Variants in TRAPPC9 observed in about 807,000 individuals in gnomAD.
The protein encoded by TRAPPC9 is IKK2 binding protein.
A neutral mutation model predicts 124.0 loss-of-function variants in TRAPPC9; 83 were observed. The ratio of observed to expected loss-of-function variants is 0.67; its 90% CI spans 0.56 to 0.80. TRAPPC9 has a LOEUF of 0.80. Ranked by LOEUF, TRAPPC9 falls within the 30% of genes least tolerant of loss-of-function variation. The pLI is 0.00. For missense variants in TRAPPC9, 1,302 were observed against 1,508.3 expected, an observed-to-expected ratio of 0.86 and a Z score of 2.27; for synonymous variants, 638 against 617.5, an observed-to-expected ratio of 1.03 and a Z score of -0.49.
chr8:139,840,826 G>C (rs1826678963), intron 21 of TRAPPC9, among the ~76,000 whole-genome samples: 1 of 152,206 alleles, frequency 6.6e-6, no homozygotes, highest in Non-Finnish European at 1.5e-5. Flanking sequence ...TGGTAGGCTT[G>C]TCCTTCCCTT....
intron 21 of TRAPPC9, among the ~76,000 whole-genome samples, chr8:139,815,795 G>C (rs1397236151): frequency 6.6e-6 from 1 of 152,226 alleles, no homozygotes; most frequent in African/African-American, 2.4e-5. Flanking sequence ...GTGGCTCCGG[G>C]GATCACCAGC....
chr8:139,811,852 T>C (rs1824465596), intron 21 of TRAPPC9, among the ~76,000 whole-genome samples: 2 of 152,182 alleles, frequency 1.3e-5, no homozygotes, highest in South Asian at 4.1e-4. Context: ...ATTTTTTTCC[T>C]ATGCACTCTT....
At position 140,353,542 on chromosome 8, in the gene TRAPPC9, C is replaced by T. The variant is rs918075642; in HGVS notation, c.1495+6508G>A. Among the ~76,000 whole-genome samples the T allele has an allele frequency of 2.0e-5, 3 of 152,154 alleles. No homozygotes were observed. The highest frequency in any genetic ancestry group is 1.9e-4 in the East Asian group (1 of 5,198). On this transcript the variant is annotated intron_variant, in intron 9 of 22. Transcript: ENST00000438773. This position sits in a 1 kb window ranked among gnomAD's most constrained non-coding sequence, Gnocchi z 4.2. ...TTCCCCGTGTTCCCTTTTTAAGCTA[C>T]GTGATGTGAAAGCCGCGAGTCTTTT... is the stretch of plus-strand genomic sequence containing the variant.
intron 21 of TRAPPC9, among the ~76,000 whole-genome samples, chr8:139,767,445 G>A (rs889261194): frequency 2.6e-5 from 4 of 152,268 alleles, no homozygotes; most frequent in African/African-American, 7.2e-5. Flanking sequence ...GCAGCATCCC[G>A]TCCTCACGAG....
At chr8:140,141,356 C>T (rs1016980147) in intron 17 of TRAPPC9, among the ~76,000 whole-genome samples, 5 of 152,220 alleles carry the variant, frequency 3.3e-5, no homozygotes, top group Non-Finnish European at 5.9e-5. Context: ...CTGGCGCATC[C>T]ACACTGTAGA....
intron 17 of TRAPPC9, among the ~76,000 whole-genome samples, chr8:140,193,596 G>C (rs1204648414): frequency 7.4e-6 from 1 of 135,652 alleles, no homozygotes; most frequent in Non-Finnish European, 1.5e-5. Flanking sequence ...AGTTCCATAA[G>C]GGCAGAAGGG....
intron 21 of TRAPPC9, among the ~76,000 whole-genome samples, chr8:139,735,128 G>C (rs1025915568): frequency 5.3e-5 from 8 of 152,200 alleles, no homozygotes; most frequent in Non-Finnish European, 1.2e-4. Flanking sequence ...GGTCTGTCCT[G>C]CTGAGTCCAG....
intron 11 of TRAPPC9, among the ~76,000 whole-genome samples, chr8:140,297,747 A>G (rs2065851884): frequency 6.6e-6 from 1 of 152,242 alleles, no homozygotes; most frequent in African/African-American, 2.4e-5. Context: ...TCAACGTGTA[A>G]GTAACCAGGT....
chr8:140,023,430 G>C (rs1414053046), intron 18 of TRAPPC9, among the ~76,000 whole-genome samples: 1 of 152,238 alleles, frequency 6.6e-6, no homozygotes, highest in African/African-American at 2.4e-5. Context: ...AAGTAGGCAG[G>C]AGAGAAAGCC....
intron 8 of TRAPPC9, among the ~76,000 whole-genome samples, chr8:140,363,477 G>A (rs1373586345): frequency 6.6e-6 from 1 of 152,188 alleles, no homozygotes; most frequent in Admixed American, 6.5e-5. Context: ...GGTTTAAAGT[G>A]ACTTTTGTGT....
chr8:140,167,132 A>C (rs73362939), intron 17 of TRAPPC9, among the ~76,000 whole-genome samples: 3,281 of 142,130 alleles, frequency 0.023, 116 homozygotes, highest in African/African-American at 0.079. Context: ...TCTAAGTGAC[A>C]GTTCATAGCT....
intron 17 of TRAPPC9, among the ~76,000 whole-genome samples, chr8:140,154,473 G>A (rs776484212): frequency 3.3e-5 from 5 of 152,238 alleles, no homozygotes; most frequent in South Asian, 2.1e-4. Context: ...AAAGGCTCCC[G>A]TTGCTCTGAT....
chr8:140,281,166 T>C (rs192878988), intron 14 of TRAPPC9, among the ~76,000 whole-genome samples: 103 of 152,362 alleles, frequency 6.8e-4, no homozygotes, highest in African/African-American at 2.4e-3. Context: ...GGAGTGGAGT[T>C]GTTGGGTCAC....
At chr8:140,100,458 G>C (rs1024959553) in intron 17 of TRAPPC9, 1 of 152,272 alleles carries the variant, frequency 6.6e-6, no homozygotes, top group African/African-American at 2.4e-5. Flanking sequence ...ACCCAGCTAC[G>C]TCTCGGTTCG....
At chr8:140,456,965 C>T (rs2071690231) in intron 1 of TRAPPC9, 1 of 295,320 alleles carries the variant, frequency 3.4e-6, no homozygotes. Context: ...GAGAAGACCA[C>T]AGGCCAGTAG....
At chr8:140,312,753 TTCTTC>T (rs1390261454) in intron 9 of TRAPPC9, among the ~76,000 whole-genome samples, 18 of 148,598 alleles carry the variant, frequency 1.2e-4, no homozygotes, top group African/African-American at 4.0e-4. Context: ...CTTCTTCTTC[TTCTTC>T]TTTTTTTTTT....
At chr8:139,948,658 C>T (rs11986475) in intron 19 of TRAPPC9, among the ~76,000 whole-genome samples, 43,097 of 152,078 alleles carry the variant, frequency 0.28, 7,227 homozygotes, top group African/African-American at 0.46. Context: ...TTTCCAATTA[C>T]GGCAACCCTG....
chr8:140,178,815 T>A (rs531109598), intron 17 of TRAPPC9, among the ~76,000 whole-genome samples: 66 of 152,286 alleles, frequency 4.3e-4, no homozygotes, highest in African/African-American at 1.6e-3. Flanking sequence ...TATTTAGGCA[T>A]TCCGTTTCAT....
chr8:140,120,815 T>C (rs1432672184), intron 17 of TRAPPC9, among the ~76,000 whole-genome samples: 2 of 150,534 alleles, frequency 1.3e-5, no homozygotes, highest in Non-Finnish European at 1.5e-5. Context: ...CATTCATCCA[T>C]CTAACATCCA....
Sources: allele counts gnomAD v4.1 joint callset (sites outside exome capture counted in the v4.1 genomes callset), GRCh38; gene constraint gnomAD v4.1.1; non-coding constraint Gnocchi (gnomAD v3.1); transcripts MANE v1.5; gene names NCBI Gene and HGNC (gene_info 2026-07-23, HGNC 2026-07-21).